Variants in HS6ST3 observed in about 807,000 individuals in gnomAD.
HS6ST3 encodes heparan sulfate 6-O-sulfotransferase 3, also known as heparan-sulfate 6-O-sulfotransferase 3.
Under a neutral mutation model 36.7 loss-of-function variants are expected in HS6ST3, and 12 were observed. The ratio of observed to expected loss-of-function variants is 0.33; its 90% CI spans 0.21 to 0.53. The LOEUF is 0.53. HS6ST3 is among the 20% of genes least tolerant of loss of function. HS6ST3 has a pLI of 0.95. For synonymous variants in HS6ST3, 240 were observed against 257.5 expected, an observed-to-expected ratio of 0.93 and a Z score of 0.65; for missense variants, 584 against 640.9, an observed-to-expected ratio of 0.91 and a Z score of 0.96.
intron 1 of HS6ST3, among the ~76,000 whole-genome samples, chr13:96,270,661 T>C (rs1235425964): frequency 1.3e-5 from 2 of 151,766 alleles, no homozygotes; most frequent in Non-Finnish European, 2.9e-5. Context: ...AGTTAAAGAA[T>C]TAATGGTCCC....
In HS6ST3 at chr13:96,808,273, G is replaced by A. The variant is rs147122945; in HGVS notation, c.708-24217G>A. Among the ~76,000 whole-genome samples, 779 of 152,274 alleles carry A rather than the reference G, an allele frequency of 5.1e-3. 7 individuals are homozygous for A. Among genetic ancestry groups the A allele is most frequent in the African/African-American group, 0.018 (749 of 41,554 alleles). ...TTTTTGTCTCTTCCAGCCACTAGTA[G>A]GATTGCACATCCTGACCCCATTGTG... is the stretch of plus-strand genomic sequence containing the variant. On this transcript the variant is annotated intron_variant, in intron 1 of 1. Coordinates refer to ENST00000376705, the MANE Select transcript of HS6ST3 (RefSeq NM_153456.4).
chr13:96,195,907 G>A (rs921662554), intron 1 of HS6ST3, among the ~76,000 whole-genome samples: 6 of 152,078 alleles, frequency 3.9e-5, no homozygotes, highest in African/African-American at 1.4e-4. Context: ...ACAGTACCTG[G>A]CATGTAGTAA....
intron 1 of HS6ST3, among the ~76,000 whole-genome samples, chr13:96,700,652 A>G (rs180846585): frequency 6.6e-6 from 1 of 152,294 alleles, no homozygotes; most frequent in Non-Finnish European, 1.5e-5. Flanking sequence ...TCATGCTAAA[A>G]TAAGTTGAGT....
chr13:96,128,153 C>T (rs1337975438), intron 1 of HS6ST3, among the ~76,000 whole-genome samples: 2 of 152,176 alleles, frequency 1.3e-5, no homozygotes, highest in Non-Finnish European at 2.9e-5. Flanking sequence ...AAATTTAAAA[C>T]CCTTATCTGT....
chr13:96,159,123 T>A (rs1025474985), intron 1 of HS6ST3, among the ~76,000 whole-genome samples: 1 of 150,070 alleles, frequency 6.7e-6, no homozygotes, highest in Non-Finnish European at 1.5e-5. Flanking sequence ...GGGGAAGGAG[T>A]ATCCAGAGGA....
At chr13:96,730,401 G>C (rs542877916) in intron 1 of HS6ST3, among the ~76,000 whole-genome samples, 1 of 152,160 alleles carries the variant, frequency 6.6e-6, no homozygotes, top group East Asian at 1.9e-4. Flanking sequence ...TGCCTTGCAA[G>C]TAAAAAGCAC....
At chr13:96,760,462 C>G (rs1876937736) in intron 1 of HS6ST3, among the ~76,000 whole-genome samples, 1 of 151,378 alleles carries the variant, frequency 6.6e-6, no homozygotes, top group Non-Finnish European at 1.5e-5. Flanking sequence ...ATTGTCCAAC[C>G]TTATAACATT....
chr13:96,268,098 T>G (rs947092699), intron 1 of HS6ST3, among the ~76,000 whole-genome samples: 1 of 151,926 alleles, frequency 6.6e-6, no homozygotes, highest in Non-Finnish European at 1.5e-5. Flanking sequence ...CTCTCATGAT[T>G]TCTAATTGTA....
intron 1 of HS6ST3, among the ~76,000 whole-genome samples, chr13:96,504,743 T>C (rs1375427665): frequency 6.6e-6 from 1 of 152,058 alleles, no homozygotes; most frequent in Non-Finnish European, 1.5e-5. Context: ...CTTCAGAAAA[T>C]AAGTCTCGTT....
rs77260697 is a variant in HS6ST3, at chr13:96,495,223, C to T, written c.708-337267C>T. On this transcript the variant is annotated intron_variant, in intron 1 of 1. Transcript: ENST00000376705. ...AATTTATTGCTGCAGAATTTGTTAA[C>T]GAAAAGAGAACTCTTCTCTTTCGAT... is the stretch of plus-strand genomic sequence containing the variant. 4.7e-3 allele frequency among the ~76,000 whole-genome samples: 708 copies of T among 152,198 alleles called. 43 individuals carry two copies. In the East Asian group the frequency reaches 0.11, roughly 24 times the overall value.
At chr13:96,413,577 T>C (rs928517713) in intron 1 of HS6ST3, among the ~76,000 whole-genome samples, 1 of 152,224 alleles carries the variant, frequency 6.6e-6, no homozygotes, top group Non-Finnish European at 1.5e-5. Context: ...AGAAGAAGTC[T>C]TCACTATTCA....
intron 1 of HS6ST3, among the ~76,000 whole-genome samples, chr13:96,301,840 G>A (rs1179235712): frequency 2.0e-5 from 3 of 150,334 alleles, no homozygotes; most frequent in African/African-American, 7.3e-5. Flanking sequence ...GGCGGACGTT[G>A]CAGTAAACCG....
intron 1 of HS6ST3, among the ~76,000 whole-genome samples, chr13:96,535,249 C>T (rs188971601): frequency 2.0e-5 from 3 of 151,820 alleles, no homozygotes; most frequent in Admixed American, 6.6e-5. Context: ...TATAGGTATG[C>T]GTGGAGTTAA....
chr13:96,338,907 T>G (rs1171049168), intron 1 of HS6ST3, among the ~76,000 whole-genome samples: 1 of 152,180 alleles, frequency 6.6e-6, no homozygotes, highest in African/African-American at 2.4e-5. Context: ...TCTTTGCTTT[T>G]GAGATCTTGA....
At chr13:96,784,961 A>G (rs1200999040) in intron 1 of HS6ST3, among the ~76,000 whole-genome samples, 1 of 152,332 alleles carries the variant, frequency 6.6e-6, no homozygotes, top group Admixed American at 6.5e-5. Flanking sequence ...TGAGGTCAGG[A>G]GTTCAAGACC....
intron 1 of HS6ST3, among the ~76,000 whole-genome samples, chr13:96,454,684 G>C (rs2055746200): frequency 6.6e-6 from 1 of 151,912 alleles, no homozygotes; most frequent in African/African-American, 2.4e-5. Flanking sequence ...CATTAGAAAA[G>C]TCAGATTTGC....
intron 1 of HS6ST3, among the ~76,000 whole-genome samples, chr13:96,511,662 G>A (rs1479851563): frequency 6.6e-6 from 1 of 150,566 alleles, no homozygotes; most frequent in African/African-American, 2.4e-5. Context: ...AACATCTCCC[G>A]ATCTATCATT....
intron 1 of HS6ST3, among the ~76,000 whole-genome samples, chr13:96,206,312 A>G (rs1019471503): frequency 5.9e-5 from 9 of 151,972 alleles, no homozygotes; most frequent in Non-Finnish European, 1.2e-4. Context: ...GAAATCAGAG[A>G]GGGCACAAAT....
intron 1 of HS6ST3, among the ~76,000 whole-genome samples, chr13:96,684,722 C>T (rs910398742): frequency 6.6e-6 from 1 of 151,974 alleles, no homozygotes; most frequent in Non-Finnish European, 1.5e-5. Context: ...CAGCCCTAAC[C>T]TGTTATCACT....
Sources: allele counts gnomAD v4.1 joint callset (sites outside exome capture counted in the v4.1 genomes callset), GRCh38; gene constraint gnomAD v4.1.1; transcripts MANE v1.5; gene names NCBI Gene and HGNC (gene_info 2026-07-23, HGNC 2026-07-21).